Variants in USP25 observed in about 807,000 individuals in gnomAD.
USP25 encodes ubiquitin carboxyl-terminal hydrolase 25.
USP25 carries 85 observed loss-of-function variants against 158.5 expected under a neutral mutation model. The ratio of observed to expected loss-of-function variants is 0.54; its 90% CI spans 0.45 to 0.64. The LOEUF (loss-of-function observed/expected upper bound fraction) is 0.64, where lower values mean the gene tolerates loss of function less well. Ranked by LOEUF, USP25 falls within the 30% of genes least tolerant of loss-of-function variation. USP25 has a pLI of 0.00. For missense variants in USP25, 1,242 were observed against 1,327.3 expected, an observed-to-expected ratio of 0.94 and a Z score of 1.00; for synonymous variants, 464 against 460.4, an observed-to-expected ratio of 1.01 and a Z score of -0.10.
chr21:15,870,107 A>G lies in USP25; in HGVS notation c.2845A>G (p.Met949Val), dbSNP rs1239237348. The change falls in exon 23 of 26, where the codon ATG (methionine) becomes GTG (valine). Residue 949 changes from methionine to valine, a missense_variant. By Grantham distance (21) the Met-to-Val change is conservative (BLOSUM62 1). This residue lies in a region of USP25 where 608 missense variants were observed against 605.2 expected (regional missense o/e 1.00). Coordinates refer to ENST00000400183, the MANE Select transcript of USP25 (RefSeq NM_001283041.3). ...QDYRKFRETT[M>V]YLIIGLENFQ... ...TTATAGGAAATTCAGGGAAACAACT[A>G]TGTATCTCATAATTGGGCTAGAAAA... 8 of 1,610,238 alleles carry G rather than the reference A, an allele frequency of 5.0e-6. No homozygotes were observed. The highest frequency in any genetic ancestry group is 4.0e-5 in the African/African-American group (3 of 74,704).
At chr21:15,783,668 A>C (rs2035097348) in intron 4 of USP25, among the ~76,000 whole-genome samples, 1 of 152,072 alleles carries the variant, frequency 6.6e-6, no homozygotes, top group Non-Finnish European at 1.5e-5. Flanking sequence ...TAAGAAATGA[A>C]AAAGAAGGGC....
At chr21:15,865,429 C>T (rs191263109) in intron 21 of USP25, among the ~76,000 whole-genome samples, 7 of 152,124 alleles carry the variant, frequency 4.6e-5, no homozygotes, top group African/African-American at 1.2e-4. Flanking sequence ...AGATATGTGC[C>T]GTGAAATGTA....
chr21:15,759,535 A>T (rs903669763), intron 1 of USP25, among the ~76,000 whole-genome samples: 1 of 152,238 alleles, frequency 6.6e-6, no homozygotes, highest in African/African-American at 2.4e-5. Context: ...GGTGGCTTCC[A>T]GGTCATCGGT....
At chr21:15,810,667 T>G (rs1600988084) in intron 8 of USP25, among the ~76,000 whole-genome samples, 1 of 152,140 alleles carries the variant, frequency 6.6e-6, no homozygotes, top group African/African-American at 2.4e-5. Flanking sequence ...CTGGTGAGGG[T>G]TGTTGTTTTT....
In USP25 at chr21:15,859,991, A is replaced by AT. The variant is rs58141554; in HGVS notation, c.2548-4261dup. ...TATGTATATATATATATATATCTAT[A>AT]TTTTTTTTTTTTTTTTGGATGGCGT... is the stretch of plus-strand genomic sequence containing the variant. On this transcript the variant is annotated intron_variant, in intron 20 of 25. Coordinates refer to ENST00000400183, the MANE Select transcript of USP25 (RefSeq NM_001283041.3). Among the ~76,000 whole-genome samples, 476 of 131,062 alleles carry AT rather than the reference A, an allele frequency of 3.6e-3. 3 individuals are homozygous for AT. Among genetic ancestry groups the AT allele is most frequent in the East Asian group, 0.015 (74 of 4,786 alleles). 86.0% of individuals were successfully genotyped at this position (131,062 alleles called of 152,430 possible).
intron 9 of USP25, among the ~76,000 whole-genome samples, chr21:15,812,772 G>C (rs1422050001): frequency 1.3e-5 from 2 of 152,166 alleles, no homozygotes; most frequent in Non-Finnish European, 2.9e-5. Flanking sequence ...CTTGAACTAT[G>C]TGTTTGCTTC....
intron 4 of USP25, among the ~76,000 whole-genome samples, chr21:15,780,790 AAG>A (rs531352370): frequency 2.0e-3 from 297 of 152,284 alleles, no homozygotes; most frequent in Non-Finnish European, 3.1e-3. Context: ...ATTACTGAGG[AAG>A]CAGCTGTGAA....
intron 17 of USP25, among the ~76,000 whole-genome samples, chr21:15,841,425 T>C (rs2038328317): frequency 6.6e-6 from 1 of 152,230 alleles, no homozygotes; most frequent in Non-Finnish European, 1.5e-5. Context: ...CATTATATTA[T>C]GTACTATATT....
intron 7 of USP25, among the ~76,000 whole-genome samples, chr21:15,806,427 T>A (rs1439331491): frequency 1.6e-4 from 2 of 12,830 alleles, no homozygotes; most frequent in African/African-American, 1.3e-3. Context: ...TTTTTCTGGT[T>A]TCTTTTTTTT....
rs989416469 is a variant in USP25, at chr21:15,816,903, A to G, written c.932-1795A>G. Reference sequence around the variant, plus strand: ...TCCCAGCACTTTGGGAGGCTGAGGCAGGTGGATCACTTGAGGTCAGGAGTT... The same window carrying G: ...TCCCAGCACTTTGGGAGGCTGAGGCGGGTGGATCACTTGAGGTCAGGAGTT... On this transcript the variant is annotated intron_variant, in intron 9 of 25. Coordinates refer to ENST00000400183, the MANE Select transcript of USP25 (RefSeq NM_001283041.3). This position sits in a 1 kb window ranked among gnomAD's most constrained non-coding sequence, Gnocchi z 4.0. Among the ~76,000 whole-genome samples, 2 of 152,102 alleles carry G rather than the reference A, an allele frequency of 1.3e-5. No individual in the cohort carries two copies. The highest frequency in any genetic ancestry group is 4.8e-5 in the African/African-American group (2 of 41,424).
Position 15,843,444 on chromosome 21 carries a change from C to G in USP25, c.2337+904C>G, listed in dbSNP as rs1430951063. On this transcript the variant is annotated intron_variant, in intron 18 of 25. Coordinates refer to ENST00000400183, the MANE Select transcript of USP25 (RefSeq NM_001283041.3). This position sits in a 1 kb window ranked among gnomAD's most constrained non-coding sequence, Gnocchi z 4.0. Reference sequence around the variant, plus strand: ...GGCCTTAAATATATAATAAGACTTCCTTTAGCCAAAATGTTCAAGAGATAT... The same window carrying G: ...GGCCTTAAATATATAATAAGACTTCGTTTAGCCAAAATGTTCAAGAGATAT... 2.0e-5 allele frequency among the ~76,000 whole-genome samples: 3 copies of G among 152,136 alleles called. No homozygotes were observed. Among genetic ancestry groups the G allele is most frequent in the South Asian group, 2.1e-4 (1 of 4,826 alleles).
intron 25 of USP25, 139 bp downstream of exon 25, chr21:15,878,130 T>C (rs1170698271): frequency 1.9e-6 from 2 of 1,061,914 alleles, no homozygotes; most frequent in African/African-American, 3.2e-5. Context: ...TGATTACTCT[T>C]TTTCCATATT....
chr21:15,825,178 G>T, intron 12 of USP25, 117 bp downstream of exon 12: 1 of 685,434 alleles, frequency 1.5e-6, no homozygotes, highest in Non-Finnish European at 2.4e-6. Flanking sequence ...AGTTAATATT[G>T]TGTGAATAGT....
intron 9 of USP25, among the ~76,000 whole-genome samples, chr21:15,818,369 A>G (rs961896497): frequency 1.4e-4 from 22 of 152,226 alleles, no homozygotes; most frequent in African/African-American, 4.6e-4. Flanking sequence ...TTCTCAGCTC[A>G]GGGACCATAT....
intron 1 of USP25, among the ~76,000 whole-genome samples, chr21:15,736,006 G>A (rs1000783728): frequency 6.6e-6 from 1 of 150,960 alleles, no homozygotes; most frequent in Non-Finnish European, 1.5e-5. Flanking sequence ...GTGTGTGTAT[G>A]TATGTACATA....
chr21:15,830,036 C>T (rs1168047178), intron 14 of USP25, among the ~76,000 whole-genome samples: 1 of 151,988 alleles, frequency 6.6e-6, no homozygotes, highest in East Asian at 1.9e-4. Flanking sequence ...TGTGAACATC[C>T]CTATCTGAAC....
Position 15,862,885 on chromosome 21 carries a change from A to C in USP25, c.2548-1383A>C, listed in dbSNP as rs2039492278. 2.0e-5 allele frequency among the ~76,000 whole-genome samples: 3 copies of C among 152,118 alleles called. No individual in the cohort carries two copies. In the South Asian group the frequency reaches 6.2e-4, roughly 32 times the overall value. On this transcript the variant is annotated intron_variant, in intron 20 of 25. Coordinates refer to ENST00000400183, the MANE Select transcript of USP25 (RefSeq NM_001283041.3). ...AATGAGTATGATATTACATAACTAG[A>C]ATATTTCATTTAATGTTTATCAGTT...
intron 1 of USP25, among the ~76,000 whole-genome samples, chr21:15,743,302 C>T (rs960303925): frequency 6.6e-6 from 1 of 152,188 alleles, no homozygotes; most frequent in African/African-American, 2.4e-5. Flanking sequence ...GTGCGTGTTA[C>T]AGCCGTTCTT....
intron 20 of USP25, among the ~76,000 whole-genome samples, chr21:15,856,286 A>G (rs988842989): frequency 6.6e-6 from 1 of 152,172 alleles, no homozygotes; most frequent in African/African-American, 2.4e-5. Flanking sequence ...TGACTTGTAA[A>G]CTAGTAATAC....
Sources: gnomAD v4.1 joint callset for allele counts (sites outside exome capture counted in the v4.1 genomes callset) on GRCh38, gnomAD v4.1.1 for gene constraint, gnomAD v4.1.1 regional missense constraint, Gnocchi (gnomAD v3.1) non-coding constraint, MANE v1.5 for transcripts, NCBI Gene and HGNC (gene_info 2026-07-23, HGNC 2026-07-21) for gene names.